IL6R: variants seen among roughly 807,000 people sequenced by gnomAD.
The protein encoded by IL6R is interleukin 6 receptor, also known as interleukin-6 receptor subunit alpha.
IL6R carries 38 observed loss-of-function variants against 48.3 expected under a neutral mutation model. The observed-to-expected ratio is 0.79, with a 90% CI of 0.61 to 1.03. The LOEUF is 1.03. IL6R is among the 50% of genes least tolerant of loss of function. The pLI is 0.00. For synonymous variants in IL6R, 264 were observed against 256.2 expected, an observed-to-expected ratio of 1.03 and a Z score of -0.29; for missense variants, 534 against 618.3, an observed-to-expected ratio of 0.86 and a Z score of 1.45.
At chr1:154,455,456 T>A (rs1690816536) in intron 9 of IL6R, among the ~76,000 whole-genome samples, 1 of 117,750 alleles carries the variant, frequency 8.5e-6, no homozygotes, top group Admixed American at 7.9e-5. Context: ...TTTTCTTTTC[T>A]TTTTTTTTTT....
chr1:154,441,893 A>G (rs1287560504), intron 6 of IL6R, among the ~76,000 whole-genome samples: 2 of 152,222 alleles, frequency 1.3e-5, no homozygotes, highest in African/African-American at 2.4e-5. Context: ...CAGTCTTGTC[A>G]TCGGTAAAGT....
At chr1:154,412,072 C>T (rs561999350) in intron 1 of IL6R, among the ~76,000 whole-genome samples, 6 of 143,008 alleles carry the variant, frequency 4.2e-5, no homozygotes, top group Non-Finnish European at 9.2e-5. Context: ...CTCAGCCTCC[C>T]GAGTAGCTGG....
chr1:154,444,547 G>T (rs1334927378), intron 6 of IL6R, among the ~76,000 whole-genome samples: 1 of 152,154 alleles, frequency 6.6e-6, no homozygotes, highest in Non-Finnish European at 1.5e-5. Flanking sequence ...GACATAAAAT[G>T]TAACAAGTAA....
chr1:154,455,112 T>C (rs1242017808), intron 9 of IL6R, among the ~76,000 whole-genome samples: 2 of 152,180 alleles, frequency 1.3e-5, no homozygotes, highest in African/African-American at 2.4e-5. Context: ...TGAGGTTTCA[T>C]GTTGCCCAGG....
intron 1 of IL6R, among the ~76,000 whole-genome samples, chr1:154,417,914 T>C (rs1224068223): frequency 2.6e-5 from 4 of 152,106 alleles, no homozygotes; most frequent in African/African-American, 9.7e-5. Context: ...TTTGTATTTT[T>C]AGTAGAGACA....
At chr1:154,424,767 A>G (rs183135099) in intron 1 of IL6R, among the ~76,000 whole-genome samples, 2 of 152,282 alleles carry the variant, frequency 1.3e-5, no homozygotes, top group East Asian at 3.9e-4. Context: ...AGTTCAACGC[A>G]CTGGACCGTG....
intron 3 of IL6R, 115 bp from the exon 4 acceptor site, chr1:154,434,404 G>A: frequency 1.2e-6 from 1 of 802,374 alleles, no homozygotes; most frequent in Non-Finnish European, 2.0e-6. Context: ...GAGGCACAGG[G>A]CTTATAAGTC....
At position 154,465,461 on chromosome 1, in the gene IL6R, A is replaced by G. The variant is rs2149280887; in HGVS notation, c.*81A>G. 2 of 1,511,696 alleles carry G rather than the reference A, an allele frequency of 1.3e-6. No individual in the cohort carries two copies. Among genetic ancestry groups the G allele is most frequent in the East Asian group, 4.5e-5 (2 of 44,226 alleles). The allele number at this position is 1,511,696 out of a possible 1,614,324, so 93.6% of individuals were successfully genotyped here. On this transcript the variant is annotated 3_prime_UTR_variant, in exon 10 of 10. Transcript: ENST00000368485. ...TCAGCAAAAGATGCTTCTCACTGCC[A>G]TGCCAGCTTATCTCAGGGGTGTGCG...
At chr1:154,412,808 A>T (rs1688105567) in intron 1 of IL6R, among the ~76,000 whole-genome samples, 1 of 152,056 alleles carries the variant, frequency 6.6e-6, no homozygotes, top group African/African-American at 2.4e-5. Context: ...AGGCCTAGAG[A>T]GGTTGAGAAA....
rs111836951 is a variant in IL6R, at chr1:154,412,260, T to C, written c.85+6546T>C. Among the ~76,000 whole-genome samples, 977 of 150,508 alleles carry C rather than the reference T, an allele frequency of 6.5e-3. 13 individuals carry two copies. The highest frequency in any genetic ancestry group is 0.023 in the African/African-American group (935 of 40,814). On this transcript the variant is annotated intron_variant, in intron 1 of 9. Coordinates refer to ENST00000368485, the MANE Select transcript of IL6R (RefSeq NM_000565.4). ...CCGTGCCCGGTGAGCCTTTTTTTTTTGTTTTTGTTTTGAGACAGAGTCTCA... is the reference window on the plus strand; with the variant it reads ...CCGTGCCCGGTGAGCCTTTTTTTTTCGTTTTTGTTTTGAGACAGAGTCTCA...
chr1:154,449,499 G>A (rs1462021325), intron 7 of IL6R, among the ~76,000 whole-genome samples: 1 of 152,106 alleles, frequency 6.6e-6, no homozygotes, highest in African/African-American at 2.4e-5. Context: ...GGCAACAAGA[G>A]TGAAACTCCA....
intron 6 of IL6R, among the ~76,000 whole-genome samples, chr1:154,445,327 C>T (rs1269126412): frequency 6.6e-6 from 1 of 152,134 alleles, no homozygotes. Context: ...CACTTTAACC[C>T]CAGAAACCTG....
chr1:154,405,583 G>T lies in IL6R; in HGVS notation c.-47G>T. Reference sequence around the variant, plus strand: ...CACCCCTGCCGCCCGGTTCCCATTAGCCTGTCCGCCTCTGCGGGACCATGG... The same window carrying T: ...CACCCCTGCCGCCCGGTTCCCATTATCCTGTCCGCCTCTGCGGGACCATGG... On this transcript the variant is annotated 5_prime_UTR_variant, in exon 1 of 10. Coordinates refer to ENST00000368485, the MANE Select transcript of IL6R (RefSeq NM_000565.4). The surrounding 1 kb of genome is among the most constrained non-coding windows in gnomAD (Gnocchi z 5.2). 8.6e-7 allele frequency: 1 copy of T among 1,163,396 alleles called. No homozygotes were observed. The highest frequency in any genetic ancestry group is 1.1e-6 in the Non-Finnish European group (1 of 899,982). 72.1% of individuals were successfully genotyped at this position (1,163,396 alleles called of 1,614,324 possible).
At chr1:154,428,822 G>A (rs1431858827) in intron 1 of IL6R, among the ~76,000 whole-genome samples, 7 of 152,148 alleles carry the variant, frequency 4.6e-5, no homozygotes, top group South Asian at 4.1e-4. Flanking sequence ...GGAGAGCGAG[G>A]GGAGTTGAGG....
chr1:154,455,483 T>C (rs1476756442), intron 9 of IL6R, among the ~76,000 whole-genome samples: 2 of 146,134 alleles, frequency 1.4e-5, no homozygotes, highest in Admixed American at 1.3e-4. Flanking sequence ...AGACAGAGTC[T>C]TGCTCTGTCG....
intron 9 of IL6R, among the ~76,000 whole-genome samples, chr1:154,455,989 G>A (rs111857931): frequency 1.3e-4 from 20 of 151,750 alleles, no homozygotes; most frequent in Middle Eastern, 3.2e-3. Context: ...CCTGGGAAGC[G>A]GAGGTTGCAG....
At chr1:154,407,252 G>A (rs1687780757) in intron 1 of IL6R, among the ~76,000 whole-genome samples, 2 of 152,200 alleles carry the variant, frequency 1.3e-5, no homozygotes, top group Admixed American at 1.3e-4. Flanking sequence ...GGGCTCCCTT[G>A]GCTGCCTCTG....
chr1:154,465,086 G>C, intron 9 of IL6R, 48 bp from the exon 10 acceptor site: 9 of 1,610,714 alleles, frequency 5.6e-6, no homozygotes, highest in Non-Finnish European at 7.6e-6. Context: ...GCTTGTCACA[G>C]GGGGAGCTAA....
Position 154,405,510 on chromosome 1 carries a change from C to A in IL6R, c.-120C>A. ...GGGCTCCTGCGGATGGGGGCTGCCC[C>A]CGGGGCCTGAGCCCGCCTGCCCGCC... On this transcript the variant is annotated 5_prime_UTR_variant, in exon 1 of 10. Transcript: ENST00000368485. The surrounding 1 kb of genome is among the most constrained non-coding windows in gnomAD (Gnocchi z 5.2). The A allele has an allele frequency of 1.3e-6, 1 of 777,956 alleles. No individual in the cohort carries two copies. Among genetic ancestry groups the A allele is most frequent in the Non-Finnish European group, 1.9e-6 (1 of 516,936 alleles). 48.2% of individuals were successfully genotyped at this position (777,956 alleles called of 1,614,324 possible).
Sources: allele counts gnomAD v4.1 joint callset (sites outside exome capture counted in the v4.1 genomes callset), GRCh38; gene constraint gnomAD v4.1.1; non-coding constraint Gnocchi (gnomAD v3.1); transcripts MANE v1.5; gene names NCBI Gene and HGNC (gene_info 2026-07-23, HGNC 2026-07-21).